Variants in MSRA observed in about 807,000 individuals in gnomAD.
MSRA encodes the protein methionine sulfoxide reductase A.
A neutral mutation model predicts 31.3 loss-of-function variants in MSRA; 54 were observed. The observed-to-expected ratio is 1.73, with a 90% CI of 1.39 to 2.17. The LOEUF is 2.17. Among genes scored for constraint, MSRA ranks in the 30% most tolerant of loss-of-function variants. MSRA has a pLI of 0.00. For synonymous variants in MSRA, 169 were observed against 116.5 expected, an observed-to-expected ratio of 1.45 and a Z score of -2.90; for missense variants, 507 against 300.9, an observed-to-expected ratio of 1.69 and a Z score of -5.07.
intron 2 of MSRA, among the ~76,000 whole-genome samples, chr8:10,224,859 C>G (rs1012239264): frequency 1.3e-5 from 2 of 152,160 alleles, no homozygotes; most frequent in African/African-American, 4.8e-5. Context: ...TAAATGAACA[C>G]TACTACTAGG....
chr8:10,227,211 T>C (rs1220019403), intron 2 of MSRA, among the ~76,000 whole-genome samples: 1 of 152,150 alleles, frequency 6.6e-6, no homozygotes, highest in East Asian at 1.9e-4. Flanking sequence ...CCCGTGGAGT[T>C]ACCAGAGTTG....
intron 3 of MSRA, among the ~76,000 whole-genome samples, chr8:10,292,140 C>T (rs1236245232): frequency 6.6e-6 from 1 of 152,178 alleles, no homozygotes; most frequent in Non-Finnish European, 1.5e-5. Flanking sequence ...AGTGAGGTTT[C>T]CGTAGAATTC....
intron 5 of MSRA, among the ~76,000 whole-genome samples, chr8:10,407,962 A>T (rs1297604022): frequency 2.0e-5 from 3 of 152,342 alleles, no homozygotes; most frequent in Middle Eastern, 6.8e-3. Flanking sequence ...TGAGTAGGTT[A>T]ATAGGATTGC....
At chr8:10,277,393 A>G (rs1469691018) in intron 3 of MSRA, among the ~76,000 whole-genome samples, 1 of 152,214 alleles carries the variant, frequency 6.6e-6, no homozygotes, top group Non-Finnish European at 1.5e-5. Context: ...TTTCTTGGGA[A>G]GGTCACTCAC....
At position 10,295,663 on chromosome 8, in the gene MSRA, A is replaced by G. The variant is rs544739931; in HGVS notation, c.332-5871A>G. Among the ~76,000 whole-genome samples, 41 of 152,318 alleles carry G rather than the reference A, an allele frequency of 2.7e-4. No homozygotes were observed. In the South Asian group the frequency reaches 6.4e-3, roughly 24 times the overall value. ...ATTCTCAACTCCAGTCTGAGTTGCCATCATGTTCCATGATGCTGGCAGCGT... is the reference window on the plus strand; with the variant it reads ...ATTCTCAACTCCAGTCTGAGTTGCCGTCATGTTCCATGATGCTGGCAGCGT... On this transcript the variant is annotated intron_variant, in intron 3 of 5. Coordinates refer to ENST00000317173, the MANE Select transcript of MSRA (RefSeq NM_012331.5).
intron 5 of MSRA, among the ~76,000 whole-genome samples, chr8:10,365,010 T>G (rs989704331): frequency 5.9e-5 from 9 of 152,128 alleles, no homozygotes; most frequent in Non-Finnish European, 1.0e-4. Context: ...GATATTCTCT[T>G]TATCTGCTTT....
chr8:10,337,764 C>T, intron 5 of MSRA: 1 of 702,674 alleles, frequency 1.4e-6, no homozygotes, highest in Non-Finnish European at 2.6e-6. Flanking sequence ...GCCTCCTCTG[C>T]TCAACTCGCC....
At chr8:10,412,740 G>C (rs1352764650) in intron 5 of MSRA, among the ~76,000 whole-genome samples, 1 of 152,150 alleles carries the variant, frequency 6.6e-6, no homozygotes, top group African/African-American at 2.4e-5. Flanking sequence ...TTAGTCATTG[G>C]AGAAATGCAG....
chr8:10,282,022 A>G (rs1475026949), intron 3 of MSRA, among the ~76,000 whole-genome samples: 1 of 152,216 alleles, frequency 6.6e-6, no homozygotes, highest in Non-Finnish European at 1.5e-5. Flanking sequence ...AGTGCTGGGA[A>G]CAGGGTGGGT....
chr8:10,189,338 C>G (rs1413003123), intron 1 of MSRA, among the ~76,000 whole-genome samples: 1 of 151,920 alleles, frequency 6.6e-6, no homozygotes, highest in Non-Finnish European at 1.5e-5. Context: ...ATTTTTATTT[C>G]TTTTTCTTGC....
At chr8:10,322,960 C>T (rs964593304) in intron 5 of MSRA, among the ~76,000 whole-genome samples, 8 of 152,084 alleles carry the variant, frequency 5.3e-5, no homozygotes, top group African/African-American at 1.7e-4. Flanking sequence ...CGTGGTTACA[C>T]GCACCTGTAA....
chr8:10,205,233 A>G (rs1289489516), intron 1 of MSRA, among the ~76,000 whole-genome samples: 1 of 152,128 alleles, frequency 6.6e-6, no homozygotes, highest in Admixed American at 6.6e-5. Flanking sequence ...AAGAGTTAGA[A>G]GGCAGATGTC....
chr8:10,409,158 A>T (rs1442107281), intron 5 of MSRA, among the ~76,000 whole-genome samples: 1 of 152,226 alleles, frequency 6.6e-6, no homozygotes, highest in African/African-American at 2.4e-5. Flanking sequence ...TTTTCCGTAG[A>T]GGTTGTGCTC....
chr8:10,174,267 T>C (rs1805845588), intron 1 of MSRA, among the ~76,000 whole-genome samples: 1 of 151,948 alleles, frequency 6.6e-6, no homozygotes, highest in Non-Finnish European at 1.5e-5. Context: ...AGAGAAGATA[T>C]GAAGGACACA....
At chr8:10,413,430 A>G (rs1808273053) in intron 5 of MSRA, among the ~76,000 whole-genome samples, 3 of 152,214 alleles carry the variant, frequency 2.0e-5, no homozygotes, top group African/African-American at 7.2e-5. Context: ...GCAACACCAC[A>G]CTGTGGGGCA....
chr8:10,105,826 T>A (rs1799842910), intron 1 of MSRA, among the ~76,000 whole-genome samples: 1 of 152,248 alleles, frequency 6.6e-6, no homozygotes, highest in South Asian at 2.1e-4. Context: ...ACTTTGCTCA[T>A]GCTGTCCCGT....
chr8:10,177,937 A>C (rs943338110), intron 1 of MSRA, among the ~76,000 whole-genome samples: 7 of 152,194 alleles, frequency 4.6e-5, no homozygotes. Context: ...AACAAAAATA[A>C]AGTGACTTCA....
At chr8:10,294,441 A>G (rs1456575194) in intron 3 of MSRA, among the ~76,000 whole-genome samples, 1 of 152,262 alleles carries the variant, frequency 6.6e-6, no homozygotes, top group African/African-American at 2.4e-5. Flanking sequence ...GGTGGGTGCT[A>G]TCAGTGTCCC....
chr8:10,099,708 A>T (rs1464945651), intron 1 of MSRA, among the ~76,000 whole-genome samples: 2 of 152,144 alleles, frequency 1.3e-5, no homozygotes, highest in Non-Finnish European at 2.9e-5. Context: ...ATGGGTTTAG[A>T]GGGGTGCAGC....
Sources: gnomAD v4.1 joint callset for allele counts (sites outside exome capture counted in the v4.1 genomes callset) on GRCh38, gnomAD v4.1.1 for gene constraint, MANE v1.5 for transcripts, NCBI Gene and HGNC (gene_info 2026-07-23, HGNC 2026-07-21) for gene names.